DLG2: variants seen among roughly 807,000 people sequenced by gnomAD.
DLG2 encodes discs large MAGUK scaffold protein 2, also known as disks large homolog 2.
DLG2 carries 45 observed loss-of-function variants against 132.5 expected under a neutral mutation model. The observed-to-expected ratio is 0.34, with a 90% CI of 0.27 to 0.44. The LOEUF is 0.44. Ranked by LOEUF, DLG2 falls within the 20% of genes least tolerant of loss-of-function variation. The probability of loss-of-function intolerance (pLI) is 1.00; values close to 1 mark genes in which losing one functional copy is unlikely to be tolerated. For synonymous variants in DLG2, 424 were observed against 419.6 expected (o/e 1.01, Z -0.13); for missense variants, 1,045 against 1,196.9 (o/e 0.87, Z 1.87).
chr11:84,080,166 T>C (rs1415045934), intron 10 of DLG2, among the ~76,000 whole-genome samples: 2 of 152,162 alleles, frequency 1.3e-5, no homozygotes, highest in African/African-American at 4.8e-5. Flanking sequence ...CACAACAGAA[T>C]ACTCAAGAAA....
At chr11:85,442,003 C>A (rs2091803327) in intron 3 of DLG2, among the ~76,000 whole-genome samples, 1 of 151,628 alleles carries the variant, frequency 6.6e-6, no homozygotes, top group Non-Finnish European at 1.5e-5. Context: ...TGAAGAGATC[C>A]AGAGGAAAGT....
chr11:83,665,389 T>C (rs1356301649), intron 18 of DLG2, among the ~76,000 whole-genome samples: 2 of 152,208 alleles, frequency 1.3e-5, no homozygotes, highest in Admixed American at 6.5e-5. Context: ...TCATAAGGGC[T>C]TTACGTTATG....
chr11:84,393,804 T>TA (rs1476303410), intron 7 of DLG2, among the ~76,000 whole-genome samples: 3 of 152,224 alleles, frequency 2.0e-5, no homozygotes, highest in Non-Finnish European at 4.4e-5. Context: ...ATTCTAAACT[T>TA]AGTCAATTTT....
rs372217877 is a variant in DLG2, at chr11:83,962,995, T to C, written c.1230A>G (p.Leu410=). The change falls in exon 14 of 28, where the codon CTA becomes CTG. Residue 410 remains leucine, a synonymous_variant. Transcript: ENST00000376104. ...CTAAAGTGCCATTGTTGCCAGAGAG[T>C]AGATGGTTTTCCATTGGTGGAGAAT... ...HSYSPPMENH[L]LSGNNGTLEY... 46 of 1,612,492 alleles carry C rather than the reference T, an allele frequency of 2.9e-5. 1 individual carries two copies. The African/African-American group carries it at 5.9e-4, about 21-fold the overall frequency.
chr11:84,544,572 A>G (rs1022762600), intron 6 of DLG2, among the ~76,000 whole-genome samples: 1 of 152,224 alleles, frequency 6.6e-6, no homozygotes, highest in African/African-American at 2.4e-5. Flanking sequence ...TGGAAAGTGC[A>G]TGAATTCTGG....
Position 84,246,291 on chromosome 11 carries a change from A to G in DLG2, c.573+4947T>C, listed in dbSNP as rs190763938. Among the ~76,000 whole-genome samples, 7 of 152,308 alleles carry G rather than the reference A, an allele frequency of 4.6e-5. No homozygotes were observed. The East Asian group carries it at 1.4e-3, about 29-fold the overall frequency. On this transcript the variant is annotated intron_variant, in intron 8 of 27. Coordinates refer to ENST00000376104, the MANE Select transcript of DLG2 (RefSeq NM_001142699.3). ...ATGAAATCTCTCACTGTCCCACTCC[A>G]TCTCTTCCAGGATGTGAGTTATTTC...
At chr11:83,887,592 CA>C (rs1230259583) in intron 15 of DLG2, among the ~76,000 whole-genome samples, 67 of 152,116 alleles carry the variant, frequency 4.4e-4, no homozygotes, top group African/African-American at 1.6e-3. Context: ...CTCCCTAACT[CA>C]TTTTATGAGG....
At chr11:85,591,568 G>A (rs764175848) in intron 3 of DLG2, among the ~76,000 whole-genome samples, 23 of 151,990 alleles carry the variant, frequency 1.5e-4, no homozygotes, top group South Asian at 6.2e-4. Context: ...GTGAAACCCC[G>A]TCTCTACTAA....
At chr11:85,267,404 A>G (rs2077279963) in intron 4 of DLG2, among the ~76,000 whole-genome samples, 1 of 152,206 alleles carries the variant, frequency 6.6e-6, no homozygotes, top group Non-Finnish European at 1.5e-5. Context: ...ACTTAGATAC[A>G]TTTGCTATTA....
intron 5 of DLG2, among the ~76,000 whole-genome samples, chr11:85,129,947 A>T (rs1440962473): frequency 6.6e-6 from 1 of 152,164 alleles, no homozygotes; most frequent in Non-Finnish European, 1.5e-5. Context: ...TCAGCAAACT[A>T]ACACAGGAAT....
intron 20 of DLG2, among the ~76,000 whole-genome samples, chr11:83,540,817 A>T (rs1216694273): frequency 6.6e-6 from 1 of 152,200 alleles, no homozygotes; most frequent in Non-Finnish European, 1.5e-5. Flanking sequence ...GCCTGCTTTT[A>T]TTAAGCATAA....
chr11:83,799,847 A>G (rs2043873998), intron 17 of DLG2, among the ~76,000 whole-genome samples: 1 of 152,196 alleles, frequency 6.6e-6, no homozygotes, highest in Non-Finnish European at 1.5e-5. Flanking sequence ...GAAGTGGCCA[A>G]TGTTCAAAAT....
Position 83,474,254 on chromosome 11 carries a change from C to T in DLG2, c.2294-1477G>A, listed in dbSNP as rs77870507. 6.8e-3 allele frequency among the ~76,000 whole-genome samples: 1,042 copies of T among 152,192 alleles called. 17 individuals are homozygous for T. Among genetic ancestry groups the T allele is most frequent in the African/African-American group, 0.024 (1,009 of 41,526 alleles). On this transcript the variant is annotated intron_variant, in intron 22 of 27. Transcript: ENST00000376104. ...AAAAGAATGATTCCCTTTGAATAAACTACTGAAATGTACAGAGCCTAGGCC... is the reference window on the plus strand; with the variant it reads ...AAAAGAATGATTCCCTTTGAATAAATTACTGAAATGTACAGAGCCTAGGCC...
At chr11:85,587,892 A>G (rs1591062714) in intron 3 of DLG2, among the ~76,000 whole-genome samples, 1 of 152,268 alleles carries the variant, frequency 6.6e-6, no homozygotes, top group East Asian at 1.9e-4. Flanking sequence ...CTGACTTGGT[A>G]GTGATGAATT....
intron 19 of DLG2, among the ~76,000 whole-genome samples, chr11:83,597,345 AAAT>A (rs1333256695): frequency 1.3e-5 from 2 of 152,142 alleles, no homozygotes; most frequent in African/African-American, 4.8e-5. Flanking sequence ...TTGGTGAAGA[AAAT>A]AAAAAGAATG....
chr11:84,729,595 G>A (rs1256966143), intron 6 of DLG2, among the ~76,000 whole-genome samples: 2 of 151,828 alleles, frequency 1.3e-5, no homozygotes, highest in Non-Finnish European at 2.9e-5. Flanking sequence ...TAATTTCTAA[G>A]TCCTCTATGT....
At chr11:85,292,196 C>T (rs1317159191) in intron 3 of DLG2, among the ~76,000 whole-genome samples, 3 of 152,072 alleles carry the variant, frequency 2.0e-5, no homozygotes, top group Non-Finnish European at 2.9e-5. Flanking sequence ...TTCATTCTCC[C>T]AATCCATATG....
intron 6 of DLG2, among the ~76,000 whole-genome samples, chr11:84,905,440 T>C (rs552695018): frequency 1.3e-5 from 2 of 152,344 alleles, no homozygotes; most frequent in African/African-American, 4.8e-5. Context: ...TGAGATATTT[T>C]AATTTGGAAT....
intron 6 of DLG2, among the ~76,000 whole-genome samples, chr11:84,743,962 G>A (rs2153826863): frequency 6.6e-6 from 1 of 152,160 alleles, no homozygotes; most frequent in East Asian, 1.9e-4. Flanking sequence ...CTGACCTCGT[G>A]ATCCACCTGT....
Sources: gnomAD v4.1 joint callset for allele counts (sites outside exome capture counted in the v4.1 genomes callset) on GRCh38, gnomAD v4.1.1 for gene constraint, MANE v1.5 for transcripts, NCBI Gene and HGNC (gene_info 2026-07-23, HGNC 2026-07-21) for gene names.